Variants in WDR20 observed in about 807,000 individuals in gnomAD.
WDR20 encodes the protein WD repeat domain 20, also known as WD repeat-containing protein 20.
In WDR20, 3 loss-of-function variants were observed where a neutral mutation model predicts 38.7. The observed-to-expected ratio is 0.08, with a 90% CI of 0.04 to 0.20. WDR20 has a LOEUF of 0.20. Ranked by LOEUF, WDR20 falls within the 10% of genes least tolerant of loss-of-function variation. WDR20 has a pLI of 1.00. For missense variants in WDR20, 559 were observed against 727.7 expected (o/e 0.77, Z 2.67); for synonymous variants, 298 against 285.6 (o/e 1.04, Z -0.44).
intron 1 of WDR20, among the ~76,000 whole-genome samples, chr14:102,179,973 T>C (rs2063031919): frequency 6.6e-6 from 1 of 152,076 alleles, no homozygotes; most frequent in Non-Finnish European, 1.5e-5. Context: ...ACCAACATGG[T>C]GAAACCCTGT....
At chr14:102,206,836 C>T (rs576730843) in intron 2 of WDR20, among the ~76,000 whole-genome samples, 3 of 152,290 alleles carry the variant, frequency 2.0e-5, no homozygotes, top group Non-Finnish European at 4.4e-5. Flanking sequence ...GTGGAGGCCT[C>T]TTAATCCACC....
intron 1 of WDR20, among the ~76,000 whole-genome samples, chr14:102,148,928 G>A (rs1015875389): frequency 3.3e-5 from 5 of 152,098 alleles, no homozygotes; most frequent in Admixed American, 6.6e-5. Flanking sequence ...TTGGGAGGCC[G>A]AGGCGGGCGG....
In WDR20 at chr14:102,179,428, ATT is replaced by A. The variant is rs58963288; in HGVS notation, c.250-15500_250-15499del. The stretch of plus-strand genomic sequence containing the variant: ...TGAACTTCTAACTTTTTTTTAAAGT[ATT>A]TTTTTTTTTCTAAAAAAAAAAAAAA... On this transcript the variant is annotated intron_variant, in intron 1 of 2. Transcript: ENST00000342702. Among the ~76,000 whole-genome samples, 660 of 102,802 alleles carry A rather than the reference ATT, an allele frequency of 6.4e-3. 6 individuals carry two copies. Among genetic ancestry groups the A allele is most frequent in the African/African-American group, 0.018 (613 of 33,380 alleles). 67.4% of individuals were successfully genotyped at this position (102,802 alleles called of 152,430 possible). A position where few individuals can be genotyped will look rare whatever the true frequency, so the allele number is the denominator to read the frequency against.
At chr14:102,169,410 C>A (rs537272503) in intron 1 of WDR20, among the ~76,000 whole-genome samples, 1 of 152,316 alleles carries the variant, frequency 6.6e-6, no homozygotes, top group East Asian at 1.9e-4. Flanking sequence ...TGACTAGTCC[C>A]ACCTAAAATC....
At chr14:102,194,333 A>G (rs958474159) in intron 1 of WDR20, among the ~76,000 whole-genome samples, 2 of 152,238 alleles carry the variant, frequency 1.3e-5, no homozygotes, top group African/African-American at 4.8e-5. Flanking sequence ...AGTGGGCTCC[A>G]GCAGTGGTTC....
intron 1 of WDR20, among the ~76,000 whole-genome samples, chr14:102,175,762 T>C (rs1387650779): frequency 3.3e-5 from 5 of 152,208 alleles, no homozygotes; most frequent in Non-Finnish European, 5.9e-5. Flanking sequence ...AGGTCTTTCA[T>C]GTCAATGGTT....
intron 1 of WDR20, chr14:102,171,327 AATC>A (rs1281437837): frequency 3.4e-5 from 5 of 145,102 alleles, no homozygotes; most frequent in African/African-American, 1.3e-4. Context: ...ACAGTAGTAT[AATC>A]ATAGCTCATT....
At chr14:102,144,015 A>G (rs967940085) in intron 1 of WDR20, among the ~76,000 whole-genome samples, 1 of 47,326 alleles carries the variant, frequency 2.1e-5, no homozygotes, top group Non-Finnish European at 6.1e-5. Flanking sequence ...TGTGTCCACA[A>G]AAAAATAATA....
intron 1 of WDR20, among the ~76,000 whole-genome samples, chr14:102,183,696 C>A (rs1435899123): frequency 1.3e-5 from 2 of 152,204 alleles, no homozygotes; most frequent in Non-Finnish European, 2.9e-5. Flanking sequence ...CTCTGCACAA[C>A]TGGGGACTTA....
At chr14:102,145,148 G>T (rs191153232) in intron 1 of WDR20, among the ~76,000 whole-genome samples, 55 of 152,300 alleles carry the variant, frequency 3.6e-4, no homozygotes, top group Non-Finnish European at 1.0e-4. Context: ...CCAGTTTAGA[G>T]TTAGGCCCTT....
intron 1 of WDR20, among the ~76,000 whole-genome samples, chr14:102,193,187 T>G (rs2058821391): frequency 1.3e-5 from 2 of 151,574 alleles, no homozygotes; most frequent in South Asian, 4.2e-4. Context: ...GCATGTGGTG[T>G]TCTCTCAGGC....
At chr14:102,212,419 T>C, downstream of WDR20, 1 of 1,269,126 alleles carries the variant, frequency 7.9e-7, no homozygotes, top group Non-Finnish European at 1.1e-6. Context: ...TTTGACTGCA[T>C]GTCCTGACCC....
At chr14:102,200,741 C>T (rs1345293057) in intron 2 of WDR20, among the ~76,000 whole-genome samples, 5 of 152,184 alleles carry the variant, frequency 3.3e-5, no homozygotes, top group East Asian at 3.9e-4. Flanking sequence ...TGGCTTCTTT[C>T]GTTACTGACA....
intron 2 of WDR20, among the ~76,000 whole-genome samples, chr14:102,203,648 A>G (rs1477861209): frequency 6.6e-6 from 1 of 151,974 alleles, no homozygotes; most frequent in Non-Finnish European, 1.5e-5. Flanking sequence ...TCCTTGGAGC[A>G]TGGCCCCTGG....
At chr14:102,163,553 A>T (rs1009566488) in intron 1 of WDR20, among the ~76,000 whole-genome samples, 1 of 138,036 alleles carries the variant, frequency 7.2e-6, no homozygotes, top group Non-Finnish European at 1.5e-5. Context: ...GCTGGAACCC[A>T]GTGGGCAGAG....
At chr14:102,151,404 T>G (rs2055807374) in intron 1 of WDR20, among the ~76,000 whole-genome samples, 1 of 151,290 alleles carries the variant, frequency 6.6e-6, no homozygotes, top group East Asian at 1.9e-4. Flanking sequence ...GTTTTTGTTT[T>G]TGTTTTTTTG....
chr14:102,200,967 G>A (rs2060288077), intron 2 of WDR20, among the ~76,000 whole-genome samples: 1 of 152,226 alleles, frequency 6.6e-6, no homozygotes, highest in African/African-American at 2.4e-5. Context: ...TCCCAGGCAT[G>A]GGGTAAAGCT....
chr14:102,221,826 A>G lies in WDR20; in HGVS notation c.1693-1004A>G, dbSNP rs986758579. ...TGTCAGCTTGAGTTAAAGGCTTGTC[A>G]TTTGTAAACAGTACTCATCAGCTGA... On this transcript the variant is annotated intron_variant, in intron 3 of 3. Transcript: ENST00000335263. This position sits in a 1 kb window ranked among gnomAD's most constrained non-coding sequence, Gnocchi z 4.8. 6.6e-6 allele frequency among the ~76,000 whole-genome samples: 1 copy of G among 152,202 alleles called. No individual in the cohort carries two copies. The highest frequency in any genetic ancestry group is 1.5e-5 in the Non-Finnish European group (1 of 68,040).
Position 102,208,941 on chromosome 14 carries a change from G to A in WDR20, c.771G>A (p.Thr257=), listed in dbSNP as rs1398988416. 5 of 1,614,088 alleles carry A rather than the reference G, an allele frequency of 3.1e-6. No individual in the cohort carries two copies. The East Asian group carries it at 6.7e-5, about 22-fold the overall frequency. Residue 257 remains threonine (T), a synonymous_variant, in exon 3 of 3, where the codon ACG becomes ACA. Transcript: ENST00000342702. This position sits in a 1 kb window ranked among gnomAD's most constrained non-coding sequence, Gnocchi z 5.6. ...TTGACTCAGTGGAGCTGCACGGTAC[G>A]ATGAAAAGCTACTTTGGGGGCTTGC... is the stretch of plus-strand genomic sequence containing the variant. ...FNFDSVELHG[T]MKSYFGGLLC...
Sources: gnomAD v4.1 joint callset for allele counts (sites outside exome capture counted in the v4.1 genomes callset) on GRCh38, gnomAD v4.1.1 for gene constraint, Gnocchi (gnomAD v3.1) non-coding constraint, MANE v1.5 for transcripts, NCBI Gene and HGNC (gene_info 2026-07-23, HGNC 2026-07-21) for gene names.